The following COQ8A variants were observed in gnomAD, a reference collection of about 807,000 sequenced individuals.
The protein encoded by COQ8A is atypical kinase COQ8A, mitochondrial.
A neutral mutation model predicts 65.0 loss-of-function variants in COQ8A; 51 were observed. That is an observed-to-expected ratio of 0.78 (90% CI 0.63 to 0.99). COQ8A has a LOEUF of 0.99. Among genes scored for constraint, COQ8A ranks in the 50% least tolerant of loss-of-function variants. The pLI, the probability that COQ8A is intolerant of heterozygous loss-of-function variation, is 0.00. For synonymous variants in COQ8A, 371 were observed against 353.2 expected, an observed-to-expected ratio of 1.05 and a Z score of -0.57; for missense variants, 940 against 875.0, an observed-to-expected ratio of 1.07 and a Z score of -0.94.
intron 1 of COQ8A, among the ~76,000 whole-genome samples, chr1:226,944,812 G>A (rs74966289): frequency 0.031 from 4,549 of 148,934 alleles, 307 homozygotes; most frequent in African/African-American, 0.11. Flanking sequence ...TGTGTAGAAG[G>A]GAGGCAGGAA....
intron 6 of COQ8A, chr1:226,982,397 T>C: frequency 1.6e-6 from 1 of 642,220 alleles, no homozygotes; most frequent in South Asian, 2.0e-5. Flanking sequence ...CATTTCAACA[T>C]TTTACTATGT....
intron 6 of COQ8A, 149 bp from the exon 7 acceptor site, chr1:226,982,529 G>A: frequency 1.1e-6 from 1 of 870,478 alleles, no homozygotes; most frequent in Non-Finnish European, 1.9e-6. Context: ...CCGAGGGCGT[G>A]TGTGCGAGGG....
intron 5 of COQ8A, among the ~76,000 whole-genome samples, chr1:226,978,600 C>T (rs1659458358): frequency 1.2e-5 from 1 of 86,672 alleles, no homozygotes; most frequent in African/African-American, 3.1e-5. Context: ...CACACTCTAC[C>T]CTCTACACAC....
intron 4 of COQ8A, 103 bp downstream of exon 4, chr1:226,965,840 T>G: frequency 1.5e-6 from 2 of 1,325,270 alleles, no homozygotes; most frequent in South Asian, 1.2e-5. Context: ...GGGGAGGGCG[T>G]TGGGGGAGCA....
chr1:226,981,479 C>A (rs1002118243), intron 5 of COQ8A, among the ~76,000 whole-genome samples: 3 of 152,234 alleles, frequency 2.0e-5, no homozygotes, highest in African/African-American at 7.2e-5. Flanking sequence ...GAGACGGGCA[C>A]CCCTGGGCTG....
rs12744522 is a variant in COQ8A at position 226,984,322 on chromosome 1, G to T, written c.1398+87G>T. 1.3e-3 allele frequency: 2,099 copies of T among 1,582,102 alleles called. 2 individuals are homozygous for T. The highest frequency in any genetic ancestry group is 1.7e-3 in the Non-Finnish European group (1,996 of 1,164,326). On this transcript the variant is annotated intron_variant, in intron 11 of 14. Transcript: ENST00000366777. ...CCTAATAGTGTGAGCTGGGGACTTGGAGCCCTGAGGTGCTCCCTGGGGGTG... is the reference window on the plus strand; with the variant it reads ...CCTAATAGTGTGAGCTGGGGACTTGTAGCCCTGAGGTGCTCCCTGGGGGTG...
intron 1 of COQ8A, among the ~76,000 whole-genome samples, chr1:226,953,611 AGCAGG>A: frequency 6.6e-6 from 1 of 152,200 alleles, no homozygotes; most frequent in Non-Finnish European, 1.5e-5. Flanking sequence ...GGTCTCACTC[AGCAGG>A]CCTGTGCTGG....
intron 4 of COQ8A, among the ~76,000 whole-genome samples, chr1:226,976,283 G>GCTGCGGGA (rs1363912221): frequency 6.6e-6 from 1 of 150,752 alleles, no homozygotes; most frequent in Non-Finnish European, 1.5e-5. Context: ...GGGCTGCAGG[G>GCTGCGGGA]CTGCGGGACT....
chr1:226,960,434 T>TTGG (rs1658149257), intron 1 of COQ8A, among the ~76,000 whole-genome samples: 2 of 52,356 alleles, frequency 3.8e-5, no homozygotes, highest in African/African-American at 1.4e-4. Flanking sequence ...GTGGTGGTAC[T>TTGG]TGGTGGTACT....
Position 226,967,550 on chromosome 1 carries a change from G to A in COQ8A, c.655+1813G>A, listed in dbSNP as rs1347103785. Among the ~76,000 whole-genome samples the A allele has an allele frequency of 3.3e-5, 5 of 152,234 alleles. No individual in the cohort carries two copies. In the East Asian group the frequency reaches 9.6e-4, roughly 29 times the overall value. On this transcript the variant is annotated intron_variant, in intron 4 of 14. Coordinates refer to ENST00000366777, the MANE Select transcript of COQ8A (RefSeq NM_020247.5). ...TGGTGGAGCACCACGAAGTCCTGGCGAAGGAGGCAGTAGTCAGACCCTTTT... is the reference window on the plus strand; with the variant it reads ...TGGTGGAGCACCACGAAGTCCTGGCAAAGGAGGCAGTAGTCAGACCCTTTT...
chr1:226,965,571 A>G, intron 3 of COQ8A, 100 bp from the exon 4 acceptor site: 1 of 1,521,250 alleles, frequency 6.6e-7, no homozygotes, highest in Non-Finnish European at 9.1e-7. Flanking sequence ...GGAGCTGCTG[A>G]CTGTGGGGTG....
chr1:226,985,903 C>T (rs1215924344), intron 14 of COQ8A, among the ~76,000 whole-genome samples: 2 of 152,170 alleles, frequency 1.3e-5, no homozygotes, highest in Non-Finnish European at 2.9e-5. Flanking sequence ...AAGCGCTCAG[C>T]GGGCAGCAGC....
intron 14 of COQ8A, among the ~76,000 whole-genome samples, chr1:226,986,032 G>A (rs1313537085): frequency 1.3e-5 from 2 of 152,192 alleles, no homozygotes; most frequent in African/African-American, 4.8e-5. Flanking sequence ...GCTGGCGGCG[G>A]CTTCCTTAGG....
intron 4 of COQ8A, among the ~76,000 whole-genome samples, chr1:226,970,027 C>T (rs995442915): frequency 5.3e-5 from 8 of 152,108 alleles, no homozygotes; most frequent in African/African-American, 1.9e-4. Flanking sequence ...AGTGCAGCGG[C>T]GTGATCTCGG....
In COQ8A at chr1:226,984,203, G is replaced by A. The variant is rs1659924575; in HGVS notation, c.1366G>A (p.Ala456Thr). The change falls in exon 11 of 15, where the codon GCC becomes ACC. Residue 456 changes from alanine (A) to threonine (T), a missense_variant. Transcript: ENST00000366777. Reference sequence around the variant, plus strand: ...GGTGTCTGGCTTCCCCCTGGACCAGGCCGAAGGGCTCAGCCAGGAGATTCG... The same window carrying A: ...GGTGTCTGGCTTCCCCCTGGACCAGACCGAAGGGCTCAGCCAGGAGATTCG... Reference protein sequence around the residue: ...ELVSGFPLDQAEGLSQEIRNE... With the variant: ...ELVSGFPLDQTEGLSQEIRNE... 1 of 1,613,798 alleles carries A rather than the reference G, an allele frequency of 6.2e-7. No individual in the cohort carries two copies. The highest frequency in any genetic ancestry group is 8.5e-7 in the Non-Finnish European group (1 of 1,179,988).
chr1:226,985,174 G>T (rs1660009856), intron 13 of COQ8A, 80 bp from the exon 14 acceptor site: 1 of 1,490,900 alleles, frequency 6.7e-7, no homozygotes, highest in South Asian at 1.1e-5. Context: ...GGTGGGCTCG[G>T]GTGTGGCACT....
chr1:226,948,902 T>C (rs974057889), intron 1 of COQ8A, among the ~76,000 whole-genome samples: 2 of 152,230 alleles, frequency 1.3e-5, no homozygotes, highest in African/African-American at 4.8e-5. Context: ...TGAATTTATA[T>C]GGTGCTTTAA....
chr1:226,963,928 A>T (rs1200066929), intron 2 of COQ8A, among the ~76,000 whole-genome samples: 1 of 152,128 alleles, frequency 6.6e-6, no homozygotes, highest in Non-Finnish European at 1.5e-5. Flanking sequence ...TTCTACTCTG[A>T]GAGTAGTGCC....
chr1:226,960,695 A>G (rs1331847661), intron 1 of COQ8A, among the ~76,000 whole-genome samples: 1 of 151,718 alleles, frequency 6.6e-6, no homozygotes, highest in Non-Finnish European at 1.5e-5. Context: ...GGTGGTTAGG[A>G]TCTTCCAAAT....
Sources: gnomAD v4.1 joint callset for allele counts (sites outside exome capture counted in the v4.1 genomes callset) on GRCh38, gnomAD v4.1.1 for gene constraint, MANE v1.5 for transcripts, NCBI Gene and HGNC (gene_info 2026-07-23, HGNC 2026-07-21) for gene names.